DIAPH3: variants seen among roughly 807,000 people sequenced by gnomAD.
DIAPH3 encodes diaphanous related formin 3.
A neutral mutation model predicts 144.3 loss-of-function variants in DIAPH3; 117 were observed. The ratio of observed to expected loss-of-function variants is 0.81; its 90% CI spans 0.70 to 0.95. DIAPH3 has a LOEUF of 0.95. Among genes scored for constraint, DIAPH3 ranks in the 40% least tolerant of loss-of-function variants. DIAPH3 has a pLI of 0.00. For missense variants in DIAPH3, 1,421 were observed against 1,412.7 expected (o/e 1.01, Z -0.09); for synonymous variants, 519 against 488.9 (o/e 1.06, Z -0.81).
intron 2 of DIAPH3, among the ~76,000 whole-genome samples, chr13:60,121,567 A>T (rs2058845474): frequency 6.6e-6 from 1 of 152,222 alleles, no homozygotes; most frequent in African/African-American, 2.4e-5. Context: ...AAGCTTTTGA[A>T]GTAAGAAGCC....
At chr13:60,049,423 G>T (rs746947361) in intron 4 of DIAPH3, among the ~76,000 whole-genome samples, 4 of 152,178 alleles carry the variant, frequency 2.6e-5, no homozygotes, top group Non-Finnish European at 5.9e-5. Context: ...TGAACAATTT[G>T]TTGCCTCAAG....
At chr13:59,867,929 C>G (rs537750159) in intron 21 of DIAPH3, among the ~76,000 whole-genome samples, 2 of 151,972 alleles carry the variant, frequency 1.3e-5, no homozygotes, top group South Asian at 4.2e-4. Flanking sequence ...TTTTTAAATG[C>G]TAAACTCGGA....
At chr13:59,991,353 T>C (rs528437298) in intron 11 of DIAPH3, 79 bp from the exon 12 acceptor site, 1 of 1,060,594 alleles carries the variant, frequency 9.4e-7, no homozygotes, top group Admixed American at 1.7e-5. Context: ...ATTTGTCCTG[T>C]AAGGTTTTGG....
chr13:59,843,387 G>A (rs2042447788), intron 22 of DIAPH3, among the ~76,000 whole-genome samples: 1 of 152,318 alleles, frequency 6.6e-6, no homozygotes, highest in Middle Eastern at 3.4e-3. Context: ...ACCCCAATGA[G>A]TGAGTGCTTC....
chr13:59,698,082 T>C (rs918042941), intron 27 of DIAPH3, among the ~76,000 whole-genome samples: 1 of 152,202 alleles, frequency 6.6e-6, no homozygotes, highest in Non-Finnish European at 1.5e-5. Flanking sequence ...AAAATGCATA[T>C]GCCCAAATGT....
chr13:60,062,785 TG>T (rs1383715251), intron 4 of DIAPH3, among the ~76,000 whole-genome samples: 1 of 152,218 alleles, frequency 6.6e-6, no homozygotes, highest in Non-Finnish European at 1.5e-5. Context: ...GTCTATCAAG[TG>T]AGCAACAGCA....
intron 17 of DIAPH3, among the ~76,000 whole-genome samples, chr13:59,933,709 C>T (rs957031446): frequency 2.6e-5 from 4 of 152,130 alleles, no homozygotes; most frequent in Non-Finnish European, 4.4e-5. Flanking sequence ...ATCACTAACA[C>T]AGCATATGCA....
rs2044126358 is a variant in DIAPH3, at chr13:59,869,441, G to A, written c.2608-7905C>T. On this transcript the variant is annotated intron_variant, in intron 21 of 27. Coordinates refer to ENST00000400324, the MANE Select transcript of DIAPH3 (RefSeq NM_001042517.2). ...TTCCGTAGCACAAAGGCCATCAAAGGAATGAAGACTGAAAGAAATAGAGTC... is the reference window on the plus strand; with the variant it reads ...TTCCGTAGCACAAAGGCCATCAAAGAAATGAAGACTGAAAGAAATAGAGTC... Among the ~76,000 whole-genome samples, 3 of 152,148 alleles carry A rather than the reference G, an allele frequency of 2.0e-5. No individual in the cohort carries two copies. The South Asian group carries it at 6.2e-4, about 32-fold the overall frequency.
At chr13:60,095,596 G>C (rs1382597832) in intron 3 of DIAPH3, among the ~76,000 whole-genome samples, 2 of 150,278 alleles carry the variant, frequency 1.3e-5, no homozygotes, top group African/African-American at 4.9e-5. Flanking sequence ...CCATTTGCCA[G>C]TTATTGCTGT....
rs778950965 is a variant in DIAPH3 at position 59,971,065 on chromosome 13, A to T, written c.1746T>A (p.Pro582=). 1.9e-6 allele frequency: 3 copies of T among 1,613,558 alleles called. No homozygotes were observed. Among genetic ancestry groups the T allele is most frequent in the East Asian group, 4.5e-5 (2 of 44,792 alleles). The part of the protein sequence containing the change: ...HSALPPPPPL[P]SGGGVPPPPP... Reference sequence around the variant, plus strand: ...GTGGAGGCGGCACCCCTCCACCAGAAGGCAGTGGAGGCGGAGGAGGAAGTG... The same window carrying T: ...GTGGAGGCGGCACCCCTCCACCAGATGGCAGTGGAGGCGGAGGAGGAAGTG... Residue 582 remains proline (P), a synonymous_variant, in exon 16 of 28, where the codon CCT becomes CCA. Transcript: ENST00000400324.
At chr13:59,690,795 C>G (rs2033474598) in intron 27 of DIAPH3, among the ~76,000 whole-genome samples, 1 of 152,174 alleles carries the variant, frequency 6.6e-6, no homozygotes, top group South Asian at 2.1e-4. Flanking sequence ...GCCTACTATG[C>G]ATCTACCAGC....
At chr13:59,814,708 A>G (rs965084420) in intron 24 of DIAPH3, among the ~76,000 whole-genome samples, 2 of 152,190 alleles carry the variant, frequency 1.3e-5, no homozygotes, top group African/African-American at 4.8e-5. Context: ...TAAAACCATC[A>G]TCTTTTCTTG....
intron 4 of DIAPH3, among the ~76,000 whole-genome samples, chr13:60,086,956 A>G (rs2800303): frequency 0.54 from 81,660 of 151,938 alleles, 22,439 homozygotes; most frequent in Admixed American, 0.6. Context: ...CACAGACACC[A>G]GAATCCAGAG....
intron 27 of DIAPH3, among the ~76,000 whole-genome samples, chr13:59,771,769 C>T (rs1472063747): frequency 6.6e-6 from 1 of 151,978 alleles, no homozygotes; most frequent in African/African-American, 2.4e-5. Flanking sequence ...CTAGTTTCGA[C>T]TATGAAATGG....
intron 27 of DIAPH3, among the ~76,000 whole-genome samples, chr13:59,668,839 A>G (rs976269888): frequency 2.5e-4 from 25 of 101,926 alleles, no homozygotes; most frequent in Non-Finnish European, 4.8e-4. Context: ...ATATATATGT[A>G]TGTATACACA....
intron 5 of DIAPH3, among the ~76,000 whole-genome samples, chr13:60,023,872 T>TTC: frequency 6.8e-6 from 1 of 146,670 alleles, no homozygotes; most frequent in African/African-American, 2.5e-5. Flanking sequence ...TTTTTTTTTT[T>TTC]TGAGACAGAG....
chr13:60,038,065 G>T (rs2055360176), intron 5 of DIAPH3, among the ~76,000 whole-genome samples: 1 of 151,902 alleles, frequency 6.6e-6, no homozygotes, highest in Non-Finnish European at 1.5e-5. Flanking sequence ...AACTATAATA[G>T]AAAGGAATGA....
At chr13:59,710,356 C>A (rs1360668884) in intron 27 of DIAPH3, among the ~76,000 whole-genome samples, 1 of 149,554 alleles carries the variant, frequency 6.7e-6, no homozygotes, top group Non-Finnish European at 1.5e-5. Context: ...ACCCCAACAA[C>A]TTCATTTTGA....
chr13:60,058,158 T>C (rs138688699), intron 4 of DIAPH3, among the ~76,000 whole-genome samples: 2 of 150,494 alleles, frequency 1.3e-5, no homozygotes, highest in African/African-American at 4.9e-5. Flanking sequence ...AGAATTAATA[T>C]CCAGAATCTA....
Sources: gnomAD v4.1 joint callset for allele counts (sites outside exome capture counted in the v4.1 genomes callset) on GRCh38, gnomAD v4.1.1 for gene constraint, MANE v1.5 for transcripts, NCBI Gene and HGNC (gene_info 2026-07-23, HGNC 2026-07-21) for gene names.